GPM6A: variants seen among roughly 807,000 people sequenced by gnomAD.
The protein encoded by GPM6A is neuronal membrane glycoprotein M6-a.
Under a neutral mutation model 32.1 loss-of-function variants are expected in GPM6A, and 7 were observed. That is an observed-to-expected ratio of 0.22 (90% CI 0.12 to 0.41). GPM6A has a LOEUF of 0.41. Ranked by LOEUF, GPM6A falls within the 10% of genes least tolerant of loss-of-function variation. The pLI is 1.00. For missense variants in GPM6A, 235 were observed against 347.2 expected, an observed-to-expected ratio of 0.68 and a Z score of 2.57; for synonymous variants, 130 against 123.4, an observed-to-expected ratio of 1.05 and a Z score of -0.35.
At position 175,720,544 on chromosome 4, in the gene GPM6A, A is replaced by ACAC. The variant is rs1167922989; in HGVS notation, c.38-18778_38-18777insGTG. On this transcript the variant is annotated intron_variant, in intron 1 of 6. Coordinates refer to ENST00000393658, the MANE Select transcript of GPM6A (RefSeq NM_201591.3). ...CCTGTACTGTGGGCCACATGAGATT[A>ACAC]ATAACTAGTTCTCAAGACTAAGGAA... is the stretch of plus-strand genomic sequence containing the variant. Among the ~76,000 whole-genome samples, 4 of 152,326 alleles carry ACAC rather than the reference A, an allele frequency of 2.6e-5. No individual in the cohort carries two copies. The East Asian group carries it at 7.7e-4, about 29-fold the overall frequency.
At chr4:175,931,671 T>TATAC (rs1373359870) in intron 1 of GPM6A, among the ~76,000 whole-genome samples, 151 of 136,574 alleles carry the variant, frequency 1.1e-3, no homozygotes, top group African/African-American at 3.7e-3. Flanking sequence ...TTAAAAAATA[T>TATAC]ACACACACAC....
intron 1 of GPM6A, among the ~76,000 whole-genome samples, chr4:175,956,909 T>TCCCCC (rs1740005543): frequency 1.3e-5 from 2 of 152,186 alleles, no homozygotes; most frequent in Non-Finnish European, 2.9e-5. Context: ...AAACTATGTA[T>TCCCCC]TCTAGAGTAC....
At chr4:175,817,149 C>G (rs1362448517), upstream of GPM6A, among the ~76,000 whole-genome samples, 1 of 152,184 alleles carries the variant, frequency 6.6e-6, no homozygotes, top group Non-Finnish European at 1.5e-5. Flanking sequence ...TGAGCCACCG[C>G]CCCGCGGCCA....
chr4:175,834,966 G>A (rs1157755843), intron 1 of GPM6A, among the ~76,000 whole-genome samples: 1 of 152,128 alleles, frequency 6.6e-6, no homozygotes, highest in Non-Finnish European at 1.5e-5. Flanking sequence ...AACTAACTAC[G>A]CTGCCTTTAT....
chr4:175,973,101 A>C (rs1295078119), intron 1 of GPM6A, among the ~76,000 whole-genome samples: 2 of 152,216 alleles, frequency 1.3e-5, no homozygotes, highest in Non-Finnish European at 2.9e-5. Context: ...CAGAAGTTTA[A>C]AGAAATAGAC....
At chr4:175,932,324 T>G (rs1002162984) in intron 1 of GPM6A, among the ~76,000 whole-genome samples, 2 of 152,110 alleles carry the variant, frequency 1.3e-5, no homozygotes, top group Non-Finnish European at 2.9e-5. Context: ...TGCTCTGCCC[T>G]CTTGCCTTCC....
At chr4:175,813,117 T>G (rs1004843834), upstream of GPM6A, 4 of 969,842 alleles carry the variant, frequency 4.1e-6, no homozygotes, top group Non-Finnish European at 4.9e-6. Flanking sequence ...ACCCTATTGA[T>G]GTCTTTGTTA....
chr4:175,919,874 C>G (rs746635606), intron 1 of GPM6A, among the ~76,000 whole-genome samples: 2 of 152,194 alleles, frequency 1.3e-5, no homozygotes, highest in African/African-American at 2.4e-5. Context: ...TGTAGCCCCC[C>G]AAATTTCCTC....
intron 1 of GPM6A, among the ~76,000 whole-genome samples, chr4:175,908,817 A>C (rs1738211864): frequency 6.6e-6 from 1 of 152,168 alleles, no homozygotes; most frequent in Non-Finnish European, 1.5e-5. Flanking sequence ...GTTATGAACC[A>C]TATAAGAAAA....
intron 1 of GPM6A, among the ~76,000 whole-genome samples, chr4:175,715,955 C>T (rs534324176): frequency 2.0e-5 from 3 of 152,120 alleles, no homozygotes; most frequent in East Asian, 1.9e-4. Context: ...ATCACAGCTA[C>T]GTGGGAGGCT....
intron 1 of GPM6A, among the ~76,000 whole-genome samples, chr4:175,727,859 T>C (rs1429690739): frequency 6.6e-6 from 1 of 151,714 alleles, no homozygotes; most frequent in African/African-American, 2.4e-5. Flanking sequence ...CAAAAATCAG[T>C]TGGGCATGGT....
intron 3 of GPM6A, among the ~76,000 whole-genome samples, chr4:175,659,687 T>C (rs1270059402): frequency 6.6e-6 from 1 of 152,208 alleles, no homozygotes; most frequent in Non-Finnish European, 1.5e-5. Context: ...GTTATTTTAT[T>C]ACCAGTTAAA....
intron 1 of GPM6A, among the ~76,000 whole-genome samples, chr4:175,745,430 T>A (rs182807382): frequency 6.6e-6 from 1 of 152,174 alleles, no homozygotes; most frequent in Admixed American, 6.5e-5. Flanking sequence ...TTGAGAAAGA[T>A]AAAAAACATG....
At chr4:175,874,127 G>A (rs553886353) in intron 1 of GPM6A, among the ~76,000 whole-genome samples, 1 of 152,248 alleles carries the variant, frequency 6.6e-6, no homozygotes, top group Admixed American at 6.5e-5. Flanking sequence ...GAAACACGGA[G>A]CACCATATTC....
intron 1 of GPM6A, among the ~76,000 whole-genome samples, chr4:175,737,737 G>A (rs929433881): frequency 3.9e-5 from 6 of 152,114 alleles, no homozygotes; most frequent in Admixed American, 3.3e-4. Context: ...GAATATCTGA[G>A]TCATGATGAA....
Position 175,706,143 on chromosome 4 carries a change from G to C in GPM6A, c.38-4376C>G, listed in dbSNP as rs144241806. ...TTGCCCAAAGATTAGTGAAGTTATA[G>C]ATTGACTTGTACTAATACAAGAAAT... On this transcript the variant is annotated intron_variant, in intron 1 of 6. Coordinates refer to ENST00000393658, the MANE Select transcript of GPM6A (RefSeq NM_201591.3). 5.9e-3 allele frequency among the ~76,000 whole-genome samples: 901 copies of C among 152,086 alleles called. 8 individuals carry two copies. The highest frequency in any genetic ancestry group is 0.02 in the Middle Eastern group (6 of 294).
rs185594290 is a variant in GPM6A at position 176,001,116 on chromosome 4, T to C, written c.-23+1193A>G. 4.8e-4 allele frequency among the ~76,000 whole-genome samples: 73 copies of C among 152,308 alleles called. 1 individual carries two copies. Among genetic ancestry groups the C allele is most frequent in the Admixed American group, 2.5e-3 (38 of 15,304 alleles). On this transcript the variant is annotated intron_variant, in intron 1 of 7. Transcript: ENST00000280187. Reference sequence around the variant, plus strand: ...TTTCTTCCAAGTTGGCTACTGTCTATAAACTCCAGAAATTAGTAGTCAAAG... The same window carrying C: ...TTTCTTCCAAGTTGGCTACTGTCTACAAACTCCAGAAATTAGTAGTCAAAG...
chr4:175,730,461 T>C (rs1731369600), intron 1 of GPM6A, among the ~76,000 whole-genome samples: 3 of 142,046 alleles, frequency 2.1e-5, no homozygotes, highest in Non-Finnish European at 4.6e-5. Flanking sequence ...CAGGATGGTC[T>C]CGATCTCTTC....
chr4:175,761,958 C>A (rs986605228), intron 1 of GPM6A, among the ~76,000 whole-genome samples: 1 of 152,046 alleles, frequency 6.6e-6, no homozygotes, highest in East Asian at 1.9e-4. Flanking sequence ...CCAAACCTGC[C>A]TAATTTTGTA....
Sources: gnomAD v4.1 joint callset for allele counts (sites outside exome capture counted in the v4.1 genomes callset) on GRCh38, gnomAD v4.1.1 for gene constraint, MANE v1.5 for transcripts, NCBI Gene and HGNC (gene_info 2026-07-23, HGNC 2026-07-21) for gene names.